CMSS1: variants seen among roughly 807,000 people sequenced by gnomAD.
CMSS1 encodes the protein protein CMSS1.
Under a neutral mutation model 43.5 loss-of-function variants are expected in CMSS1, and 33 were observed. The observed-to-expected ratio is 0.76, with a 90% CI of 0.57 to 1.01. The LOEUF (loss-of-function observed/expected upper bound fraction) is 1.01. Among genes scored for constraint, CMSS1 ranks in the 50% least tolerant of loss-of-function variants. The pLI is 0.00. For synonymous variants in CMSS1, 115 were observed against 117.2 expected (o/e 0.98, Z 0.12); for missense variants, 313 against 326.4 (o/e 0.96, Z 0.32).
rs189720881 is a variant in CMSS1 at position 100,156,594 on chromosome 3, A to G, written c.154-3836A>G. On this transcript the variant is annotated intron_variant, in intron 2 of 9. Coordinates refer to ENST00000421999, the MANE Select transcript of CMSS1 (RefSeq NM_032359.4). ...AGTGCTGGGACTACAGGCGTGAGCC[A>G]CCACGCGCAGCCTTTTTGTTTGTTT... Among the ~76,000 whole-genome samples, 729 of 151,924 alleles carry G rather than the reference A, an allele frequency of 4.8e-3. 5 individuals carry two copies. Among genetic ancestry groups the G allele is most frequent in the Non-Finnish European group, 7.8e-3 (528 of 67,932 alleles).
intron 1 of CMSS1, among the ~76,000 whole-genome samples, chr3:99,837,944 C>T (rs1458771356): frequency 2.6e-5 from 4 of 152,192 alleles, no homozygotes; most frequent in Non-Finnish European, 4.4e-5. Flanking sequence ...AAGGCAGCCA[C>T]CTACTTATAA....
intron 1 of CMSS1, among the ~76,000 whole-genome samples, chr3:100,076,901 G>T (rs2065859117): frequency 6.6e-6 from 1 of 152,202 alleles, no homozygotes; most frequent in Non-Finnish European, 1.5e-5. Flanking sequence ...TGTAGTTAAG[G>T]ATGCAATAGA....
chr3:100,021,271 T>G (rs996481440), intron 1 of CMSS1, among the ~76,000 whole-genome samples: 3 of 152,212 alleles, frequency 2.0e-5, no homozygotes, highest in South Asian at 2.1e-4. Flanking sequence ...TCTCCTTATA[T>G]ATAATAAGTT....
chr3:99,850,448 T>C, intron 1 of CMSS1: 2 of 1,614,100 alleles, frequency 1.2e-6, no homozygotes, highest in Non-Finnish European at 1.7e-6. Context: ...AAGTCTTTAC[T>C]CTGTAACGTC....
chr3:100,098,460 G>A (rs1302615095), intron 1 of CMSS1, among the ~76,000 whole-genome samples: 3 of 152,156 alleles, frequency 2.0e-5, no homozygotes, highest in Non-Finnish European at 2.9e-5. Context: ...AAATAAGTTA[G>A]TGTATTAAAG....
At chr3:100,100,382 T>C (rs751316161) in intron 1 of CMSS1, among the ~76,000 whole-genome samples, 7 of 152,208 alleles carry the variant, frequency 4.6e-5, no homozygotes, top group Non-Finnish European at 1.0e-4. Flanking sequence ...GGCTGTCTTA[T>C]ACATTATAAT....
At chr3:100,145,442 C>T (rs528650427) in intron 1 of CMSS1, among the ~76,000 whole-genome samples, 117 of 149,316 alleles carry the variant, frequency 7.8e-4, no homozygotes, top group Middle Eastern at 3.4e-3. Flanking sequence ...AGAGAGATTC[C>T]GTCTCAAAAA....
chr3:99,858,920 G>A (rs1340909195), intron 1 of CMSS1, among the ~76,000 whole-genome samples: 1 of 152,174 alleles, frequency 6.6e-6, no homozygotes, highest in African/African-American at 2.4e-5. Flanking sequence ...GCTTCATCCT[G>A]ATGAAGTCCC....
intron 1 of CMSS1, among the ~76,000 whole-genome samples, chr3:99,885,680 T>C (rs1481626137): frequency 6.6e-6 from 1 of 152,222 alleles, no homozygotes; most frequent in Admixed American, 6.5e-5. Flanking sequence ...TATATCTCTG[T>C]CATCTATTTG....
chr3:99,994,707 C>G (rs1171879594), intron 1 of CMSS1, among the ~76,000 whole-genome samples: 1 of 152,084 alleles, frequency 6.6e-6, no homozygotes, highest in Non-Finnish European at 1.5e-5. Context: ...GAGTGCACTC[C>G]CACGTGGCTG....
At chr3:99,991,220 AG>A (rs1231587586) in intron 1 of CMSS1, among the ~76,000 whole-genome samples, 1 of 152,180 alleles carries the variant, frequency 6.6e-6, no homozygotes, top group East Asian at 1.9e-4. Flanking sequence ...CTTTAAGGAG[AG>A]AATGTTCTCA....
At chr3:99,935,758 A>G (rs1707645456) in intron 1 of CMSS1, among the ~76,000 whole-genome samples, 1 of 152,338 alleles carries the variant, frequency 6.6e-6, no homozygotes, top group East Asian at 1.9e-4. Flanking sequence ...TGCAGTTGGC[A>G]GTGAGAAGTA....
intron 1 of CMSS1, among the ~76,000 whole-genome samples, chr3:99,877,621 G>A (rs1705579277): frequency 6.6e-6 from 1 of 152,174 alleles, no homozygotes; most frequent in Non-Finnish European, 1.5e-5. Flanking sequence ...TTGCAATTGT[G>A]TACTAACATT....
At chr3:100,058,384 A>C (rs1269484150) in intron 1 of CMSS1, among the ~76,000 whole-genome samples, 1 of 152,212 alleles carries the variant, frequency 6.6e-6, no homozygotes, top group Non-Finnish European at 1.5e-5. Context: ...CATTCTTTGG[A>C]ATGTAAAATG....
chr3:99,935,066 T>A (rs1400637997), intron 1 of CMSS1, among the ~76,000 whole-genome samples: 2 of 152,036 alleles, frequency 1.3e-5, no homozygotes, highest in African/African-American at 4.8e-5. Flanking sequence ...CACAAAATGA[T>A]CAGTAATGAG....
At chr3:99,980,860 G>A (rs916849758) in intron 1 of CMSS1, among the ~76,000 whole-genome samples, 3 of 152,164 alleles carry the variant, frequency 2.0e-5, no homozygotes, top group Admixed American at 6.5e-5. Context: ...AGCCTTCTAG[G>A]CCAGTGCTGC....
rs185014788 is a variant in CMSS1, at chr3:99,873,259, A to G, written c.64+55216A>G. On this transcript the variant is annotated intron_variant, in intron 1 of 9. Transcript: ENST00000421999. ...AAACTAAACAATCAGTTTAAATTGA[A>G]GCTGAATTCATGGTCAAATACAAAT... Among the ~76,000 whole-genome samples, 307 of 152,362 alleles carry G rather than the reference A, an allele frequency of 2.0e-3. 7 individuals carry two copies. The highest frequency in any genetic ancestry group is 0.019 in the Admixed American group (288 of 15,306).
At chr3:99,832,802 T>G (rs1405496710) in intron 1 of CMSS1, among the ~76,000 whole-genome samples, 2 of 142,350 alleles carry the variant, frequency 1.4e-5, no homozygotes, top group African/African-American at 5.2e-5. Flanking sequence ...ATCATAGCAT[T>G]GCACTCCAGC....
At chr3:99,891,526 G>T (rs1229575822) in intron 1 of CMSS1, among the ~76,000 whole-genome samples, 1 of 151,840 alleles carries the variant, frequency 6.6e-6, no homozygotes, top group African/African-American at 2.4e-5. Flanking sequence ...TTGAAATATT[G>T]TATATATTTT....
Sources: allele counts gnomAD v4.1 joint callset (sites outside exome capture counted in the v4.1 genomes callset), GRCh38; gene constraint gnomAD v4.1.1; transcripts MANE v1.5; gene names NCBI Gene and HGNC (gene_info 2026-07-23, HGNC 2026-07-21).